SLC12A3: variants seen among roughly 807,000 people sequenced by gnomAD.
SLC12A3 encodes the protein solute carrier family 12 member 3.
Under a neutral mutation model 121.0 loss-of-function variants are expected in SLC12A3, and 104 were observed. That is an observed-to-expected ratio of 0.86 (90% CI 0.73 to 1.01). The LOEUF is 1.01. Ranked by LOEUF, SLC12A3 falls within the 50% of genes least tolerant of loss-of-function variation. The probability of loss-of-function intolerance (pLI) is 0.00; values close to 1 mark genes in which losing one functional copy is unlikely to be tolerated. For synonymous variants in SLC12A3, 536 were observed against 533.4 expected (o/e 1.00, Z -0.07); for missense variants, 1,328 against 1,356.3 (o/e 0.98, Z 0.33).
At chr16:56,903,745 C>G (rs766644298) in intron 24 of SLC12A3, among the ~76,000 whole-genome samples, 24 of 144,826 alleles carry the variant, frequency 1.7e-4, no homozygotes, top group Non-Finnish European at 2.8e-4. Flanking sequence ...GAGTCTCCCA[C>G]CCCCAACCCA....
At position 56,879,118 on chromosome 16, in the gene SLC12A3, T is replaced by G; in HGVS notation, c.1226T>G (p.Val409Gly). The G allele has an allele frequency of 6.2e-7, 1 of 1,613,668 alleles. No individual in the cohort carries two copies. The highest frequency in any genetic ancestry group is 8.5e-7 in the Non-Finnish European group (1 of 1,179,896). Reference sequence around the variant, plus strand: ...GCCTCTGGGGTCCTGAATGACACAGTGACCCCTGGCTGGGGTGCCTGCGAG... The same window carrying G: ...GCCTCTGGGGTCCTGAATGACACAGGGACCCCTGGCTGGGGTGCCTGCGAG... ...RDASGVLNDTVTPGWGACEGL... is the reference protein window; with the variant it reads ...RDASGVLNDTGTPGWGACEGL... Residue 409 changes from valine to glycine, a missense_variant, in exon 10 of 26, where the codon GTG (valine) becomes GGG (glycine). Physicochemically the swap from Val to Gly is moderately radical, Grantham distance 109. Transcript: ENST00000563236.
chr16:56,895,282 C>G (rs1329337727), intron 22 of SLC12A3, among the ~76,000 whole-genome samples: 1 of 149,802 alleles, frequency 6.7e-6, no homozygotes, highest in Non-Finnish European at 1.5e-5. Context: ...ACCTCCGCCC[C>G]CTGGGTTCAA....
intron 6 of SLC12A3, 84 bp from the exon 7 acceptor site, chr16:56,872,267 C>T: frequency 2.2e-6 from 2 of 899,796 alleles, no homozygotes; most frequent in Non-Finnish European, 3.7e-6. Flanking sequence ...GAGAAACGGG[C>T]CCTGGGCAAA....
chr16:56,911,388 C>G (rs981432470), intron 25 of SLC12A3, among the ~76,000 whole-genome samples: 1 of 152,092 alleles, frequency 6.6e-6, no homozygotes, highest in Non-Finnish European at 1.5e-5. Context: ...TGCAGTGGCG[C>G]AATCATGCTC....
intron 24 of SLC12A3, chr16:56,904,123 T>C (rs2055574682): frequency 7.3e-6 from 3 of 411,020 alleles, no homozygotes; most frequent in Non-Finnish European, 1.4e-5. Flanking sequence ...TAGTAAGGTG[T>C]TCTCTCTTCC....
intron 16 of SLC12A3, 74 bp downstream of exon 16, chr16:56,886,549 C>T (rs1018747921): frequency 2.2e-6 from 3 of 1,339,044 alleles, no homozygotes; most frequent in Non-Finnish European, 3.2e-6. Context: ...CTCTGGGGAG[C>T]CAAGACAGGT....
intron 22 of SLC12A3, among the ~76,000 whole-genome samples, chr16:56,899,281 G>A (rs1401272951): frequency 2.8e-5 from 3 of 105,368 alleles, no homozygotes; most frequent in Non-Finnish European, 5.2e-5. Flanking sequence ...TTGGGAGGCC[G>A]AGGCAGGATC....
At chr16:56,870,327 C>T in intron 5 of SLC12A3, 92 bp downstream of exon 5, 1 of 1,389,580 alleles carries the variant, frequency 7.2e-7, no homozygotes, top group Non-Finnish European at 9.8e-7. Flanking sequence ...TCCTGCTGCT[C>T]TGCCTGACTT....
intron 25 of SLC12A3, among the ~76,000 whole-genome samples, chr16:56,905,821 T>G (rs947441809): frequency 1.3e-5 from 2 of 152,178 alleles, no homozygotes; most frequent in Non-Finnish European, 2.9e-5. Flanking sequence ...TGATCATAGT[T>G]TGATCATTGA....
At position 56,911,423 on chromosome 16, in the gene SLC12A3, C is replaced by G. The variant is rs528608373; in HGVS notation, c.2925-1841C>G. Among the ~76,000 whole-genome samples the G allele has an allele frequency of 4.5e-4, 69 of 152,180 alleles. 1 individual carries two copies. Among genetic ancestry groups the G allele is most frequent in the South Asian group, 3.3e-3 (16 of 4,824 alleles). On this transcript the variant is annotated intron_variant, in intron 25 of 25. Coordinates refer to ENST00000563236, the MANE Select transcript of SLC12A3 (RefSeq NM_001126108.2). ...CACTGCAGCCTCGACCTCCCAGGCT[C>G]AAACGATCCTCCCGCCTCAGCATCC...
chr16:56,880,387 T>A, intron 12 of SLC12A3, 134 bp downstream of exon 12: 1 of 1,164,240 alleles, frequency 8.6e-7, no homozygotes, highest in Non-Finnish European at 1.2e-6. Context: ...ACTAAGAGGC[T>A]AAGTCTTGAG....
chr16:56,882,025 G>T (rs188525075), intron 12 of SLC12A3, among the ~76,000 whole-genome samples: 23 of 150,406 alleles, frequency 1.5e-4, no homozygotes, highest in African/African-American at 4.9e-4. Flanking sequence ...CTCCAGCCTG[G>T]GTGACAGAGC....
rs189040958 is a variant in SLC12A3 at position 56,869,149 on chromosome 16, T to A, written c.506-580T>A. 1.2e-3 allele frequency among the ~76,000 whole-genome samples: 180 copies of A among 152,268 alleles called. 1 individual carries two copies. Among genetic ancestry groups the A allele is most frequent in the Non-Finnish European group, 1.7e-3 (115 of 68,026 alleles). ...CCTACCTCATGGAACCGTTGTGGCTTTTACAGGATGCAAGTAAAAACACAG... is the reference window on the plus strand; with the variant it reads ...CCTACCTCATGGAACCGTTGTGGCTATTACAGGATGCAAGTAAAAACACAG... On this transcript the variant is annotated intron_variant, in intron 3 of 25. Transcript: ENST00000563236.
At chr16:56,881,451 G>A (rs570649598) in intron 12 of SLC12A3, among the ~76,000 whole-genome samples, 15 of 152,186 alleles carry the variant, frequency 9.9e-5, no homozygotes, top group Middle Eastern at 3.4e-3. Context: ...ATCTGGGGGG[G>A]GGTCTGACTT....
At chr16:56,887,798 A>ATATATATATATATATTTT (rs1433682477) in intron 17 of SLC12A3, 127 bp from the exon 18 acceptor site, 1 of 68,432 alleles carries the variant, frequency 1.5e-5, no homozygotes, top group Non-Finnish European at 2.9e-5. Flanking sequence ...ATATATATAT[A>ATATATATATATATATTTT]TTTTTTTTTT....
chr16:56,893,808 T>C (rs12449167), intron 21 of SLC12A3, among the ~76,000 whole-genome samples: 34,558 of 151,984 alleles, frequency 0.23, 4,288 homozygotes, highest in African/African-American at 0.33. Context: ...GACGGAGTCT[T>C]ACTTTGTCGC....
chr16:56,893,163 G>A (rs2144744562), intron 21 of SLC12A3, 109 bp downstream of exon 21: 2 of 892,922 alleles, frequency 2.2e-6, no homozygotes, highest in Non-Finnish European at 3.6e-6. Context: ...GGGCTCCTGG[G>A]CCCAGCAGTG....
intron 24 of SLC12A3, among the ~76,000 whole-genome samples, 172 bp downstream of exon 24, chr16:56,902,680 G>A (rs781391767): frequency 2.6e-5 from 4 of 152,178 alleles, no homozygotes; most frequent in Non-Finnish European, 4.4e-5. Context: ...TAACCCGGCT[G>A]TGGAACTCAG....
chr16:56,882,978 C>T (rs1008849047), intron 13 of SLC12A3, among the ~76,000 whole-genome samples: 3 of 151,982 alleles, frequency 2.0e-5, no homozygotes, highest in East Asian at 1.9e-4. Flanking sequence ...ATAATAATAG[C>T]GGCTCTCCTT....
Sources: allele counts gnomAD v4.1 joint callset (sites outside exome capture counted in the v4.1 genomes callset), GRCh38; gene constraint gnomAD v4.1.1; transcripts MANE v1.5; gene names NCBI Gene and HGNC (gene_info 2026-07-23, HGNC 2026-07-21).